SCCPDH: variants seen among roughly 807,000 people sequenced by gnomAD.
SCCPDH encodes the protein saccharopine dehydrogenase (putative).
A neutral mutation model predicts 51.5 loss-of-function variants in SCCPDH; 34 were observed. The observed-to-expected ratio is 0.66, with a 90% CI of 0.50 to 0.88. The LOEUF (loss-of-function observed/expected upper bound fraction) is 0.88, where lower values mean the gene tolerates loss of function less well. SCCPDH is among the 40% of genes least tolerant of loss of function. The probability of loss-of-function intolerance (pLI) is 0.00; values close to 1 mark genes in which losing one functional copy is unlikely to be tolerated. For missense variants in SCCPDH, 464 were observed against 527.1 expected (o/e 0.88, Z 1.17); for synonymous variants, 187 against 191.3 (o/e 0.98, Z 0.19).
intron 2 of SCCPDH, among the ~76,000 whole-genome samples, chr1:246,729,820 G>A (rs1164602736): frequency 1.3e-5 from 2 of 151,608 alleles, no homozygotes. Flanking sequence ...AAAGACAGGT[G>A]TAAGAAATTA....
chr1:246,730,963 C>T lies in SCCPDH; in HGVS notation c.303+3959C>T, dbSNP rs149181193. Among the ~76,000 whole-genome samples the T allele has an allele frequency of 3.1e-3, 471 of 152,196 alleles. 6 individuals are homozygous for T. Among genetic ancestry groups the T allele is most frequent in the Middle Eastern group, 0.01 (3 of 294 alleles). Reference sequence around the variant, plus strand: ...TAATTGCAGCTACTCGGGAGGCTGACGCAAGAGAATCACTTGAATCCGGGA... The same window carrying T: ...TAATTGCAGCTACTCGGGAGGCTGATGCAAGAGAATCACTTGAATCCGGGA... On this transcript the variant is annotated intron_variant, in intron 2 of 11. Coordinates refer to ENST00000366510, the MANE Select transcript of SCCPDH (RefSeq NM_016002.3).
chr1:246,754,048 T>G (rs1373560403), intron 5 of SCCPDH, among the ~76,000 whole-genome samples: 1 of 152,114 alleles, frequency 6.6e-6, no homozygotes, highest in African/African-American at 2.4e-5. Context: ...TATTGGGTCC[T>G]GGTTAGGCCC....
chr1:246,754,702 T>C (rs1668904914), intron 5 of SCCPDH, among the ~76,000 whole-genome samples: 1 of 152,212 alleles, frequency 6.6e-6, no homozygotes, highest in Non-Finnish European at 1.5e-5. Context: ...CATGTGTCCG[T>C]TTCACCTAGG....
chr1:246,763,447 C>T (rs1669047388), intron 9 of SCCPDH, among the ~76,000 whole-genome samples: 1 of 152,128 alleles, frequency 6.6e-6, no homozygotes, highest in South Asian at 2.1e-4. Flanking sequence ...ATCCCTTCTT[C>T]CCTTTAAATA....
intron 4 of SCCPDH, among the ~76,000 whole-genome samples, chr1:246,742,308 C>A (rs747195336): frequency 6.6e-6 from 1 of 152,134 alleles, no homozygotes; most frequent in Admixed American, 6.5e-5. Flanking sequence ...TGAGGTTGTT[C>A]TCTGCTTTTA....
intron 9 of SCCPDH, among the ~76,000 whole-genome samples, chr1:246,763,262 T>G (rs1669045185): frequency 6.6e-6 from 1 of 152,168 alleles, no homozygotes; most frequent in South Asian, 2.1e-4. Flanking sequence ...CAACTTTGAT[T>G]AATTGATAGT....
At chr1:246,753,302 C>A (rs1044870446) in intron 5 of SCCPDH, among the ~76,000 whole-genome samples, 10 of 152,190 alleles carry the variant, frequency 6.6e-5, no homozygotes, top group African/African-American at 2.2e-4. Context: ...TTTTGGGCTT[C>A]TCTTAGAAGC....
chr1:246,738,900 C>T (rs993937985), intron 3 of SCCPDH, among the ~76,000 whole-genome samples: 1 of 152,220 alleles, frequency 6.6e-6, no homozygotes, highest in African/African-American at 2.4e-5. Context: ...GACAAATCTT[C>T]TTTGTGGAAG....
chr1:246,736,701 T>C (rs1215358486), intron 3 of SCCPDH, among the ~76,000 whole-genome samples: 1 of 151,226 alleles, frequency 6.6e-6, no homozygotes, highest in Non-Finnish European at 1.5e-5. Context: ...AGCGAGACTC[T>C]GTCTCAAAAA....
At chr1:246,766,228 G>A (rs1669085864) in intron 11 of SCCPDH, 89 bp downstream of exon 11, 1 of 899,894 alleles carries the variant, frequency 1.1e-6, no homozygotes, top group Non-Finnish European at 1.8e-6. Context: ...CTTTGGGTTT[G>A]CATGTAAGCA....
At chr1:246,763,656 C>A (rs12024703) in intron 9 of SCCPDH, among the ~76,000 whole-genome samples, 8 of 152,236 alleles carry the variant, frequency 5.3e-5, no homozygotes, top group African/African-American at 1.4e-4. Flanking sequence ...TCTCTCCCCC[C>A]CTTTCCTCCT....
At chr1:246,753,862 TAAG>T (rs1668891779) in intron 5 of SCCPDH, among the ~76,000 whole-genome samples, 1 of 151,934 alleles carries the variant, frequency 6.6e-6, no homozygotes, top group Non-Finnish European at 1.5e-5. Context: ...GGCAGGGTTA[TAAG>T]GAGGGGGACA....
At chr1:246,753,746 G>A (rs1192518905) in intron 5 of SCCPDH, among the ~76,000 whole-genome samples, 1 of 151,766 alleles carries the variant, frequency 6.6e-6, no homozygotes, top group Non-Finnish European at 1.5e-5. Flanking sequence ...AGAGGAAAGG[G>A]AAGTTCTGAA....
intron 10 of SCCPDH, among the ~76,000 whole-genome samples, chr1:246,765,478 T>C (rs1669074035): frequency 1.3e-5 from 2 of 152,192 alleles, no homozygotes; most frequent in Admixed American, 6.5e-5. Flanking sequence ...GTAAGTTGAC[T>C]GTATTTTCAT....
At chr1:246,766,564 G>A (rs1339686480) in intron 11 of SCCPDH, among the ~76,000 whole-genome samples, 1 of 152,178 alleles carries the variant, frequency 6.6e-6, no homozygotes, top group Non-Finnish European at 1.5e-5. Context: ...ATTTTCAGAC[G>A]TACTGTCTTA....
At chr1:246,730,048 A>G (rs1446561212) in intron 2 of SCCPDH, among the ~76,000 whole-genome samples, 1 of 152,122 alleles carries the variant, frequency 6.6e-6, no homozygotes, top group South Asian at 2.1e-4. Context: ...TTTTAAAAAA[A>G]GCTGCTTGAT....
At chr1:246,735,558 G>A (rs1668553085) in intron 2 of SCCPDH, among the ~76,000 whole-genome samples, 1 of 152,178 alleles carries the variant, frequency 6.6e-6, no homozygotes, top group Admixed American at 6.5e-5. Context: ...CTGAGACGGA[G>A]TCTCACTCTG....
Position 246,758,340 on chromosome 1 carries a change from C to G in SCCPDH, c.679C>G (p.Pro227Ala). The change falls in exon 6 of 12, where the codon CCA becomes GCA. Residue 227 changes from proline (P) to alanine (A), a missense_variant. Coordinates refer to ENST00000366510, the MANE Select transcript of SCCPDH (RefSeq NM_016002.3). ...SNLKPVPLIG[P>A]KLKRRWPISY... is the part of the protein sequence containing the mutation. ...TCTGAAACCTGTCCCGCTCATTGGT[C>G]CAAAATTGAAGAGAAGGTAAATTAA... is the stretch of plus-strand genomic sequence containing the variant. 1.2e-6 allele frequency: 2 copies of G among 1,601,204 alleles called. No individual in the cohort carries two copies. Among genetic ancestry groups the G allele is most frequent in the Non-Finnish European group, 1.7e-6 (2 of 1,174,630 alleles).
At chr1:246,758,385 A>G (rs758332270) in intron 6 of SCCPDH, 29 bp downstream of exon 6, 20 of 1,554,238 alleles carry the variant, frequency 1.3e-5, no homozygotes, top group Non-Finnish European at 1.7e-5. Flanking sequence ...CATTTTTTAT[A>G]TATCTAGTCT....
Sources: gnomAD v4.1 joint callset for allele counts (sites outside exome capture counted in the v4.1 genomes callset) on GRCh38, gnomAD v4.1.1 for gene constraint, MANE v1.5 for transcripts, NCBI Gene and HGNC (gene_info 2026-07-23, HGNC 2026-07-21) for gene names.